Variants in XYLT1 observed in about 807,000 individuals in gnomAD.
The protein encoded by XYLT1 is beta-D-xylosyltransferase 1.
Under a neutral mutation model 91.3 loss-of-function variants are expected in XYLT1, and 36 were observed. That is an observed-to-expected ratio of 0.39 (90% CI 0.30 to 0.52). The LOEUF is 0.52. Ranked by LOEUF, XYLT1 falls within the 20% of genes least tolerant of loss-of-function variation. The pLI is 0.68. For missense variants in XYLT1, 1,242 were observed against 1,284.5 expected (o/e 0.97, Z 0.51); for synonymous variants, 588 against 532.0 (o/e 1.11, Z -1.45).
chr16:17,393,860 C>T (rs1195516862), intron 1 of XYLT1, among the ~76,000 whole-genome samples: 2 of 152,118 alleles, frequency 1.3e-5, no homozygotes, highest in East Asian at 1.9e-4. Context: ...ACTGCAAGCT[C>T]CGCCTCCTGG....
intron 3 of XYLT1, among the ~76,000 whole-genome samples, chr16:17,234,487 A>G (rs1325811639): frequency 6.6e-6 from 1 of 152,188 alleles, no homozygotes; most frequent in Non-Finnish European, 1.5e-5. Context: ...TAATAAATAA[A>G]TAATGGGTAA....
At chr16:17,335,597 G>A (rs1195057554) in intron 2 of XYLT1, among the ~76,000 whole-genome samples, 1 of 151,816 alleles carries the variant, frequency 6.6e-6, no homozygotes, top group African/African-American at 2.4e-5. Flanking sequence ...AGGAGGGTGA[G>A]GCAGGAGAAT....
At chr16:17,170,796 T>C (rs2031803650) in intron 5 of XYLT1, among the ~76,000 whole-genome samples, 1 of 152,184 alleles carries the variant, frequency 6.6e-6, no homozygotes, top group African/African-American at 2.4e-5. Context: ...CACATAGGTC[T>C]TCCTAACGCA....
chr16:17,464,759 TA>T (rs2036867386), intron 1 of XYLT1, among the ~76,000 whole-genome samples: 1 of 152,100 alleles, frequency 6.6e-6, no homozygotes, highest in South Asian at 2.1e-4. Context: ...CATCATGAGT[TA>T]GGGGTCTGAT....
chr16:17,212,998 G>A (rs1490221101), intron 3 of XYLT1, among the ~76,000 whole-genome samples: 1 of 152,212 alleles, frequency 6.6e-6, no homozygotes, highest in Non-Finnish European at 1.5e-5. Context: ...CCTGGGCTGA[G>A]CATTTTCTAA....
At chr16:17,425,742 T>TCCTGCCTCCGTGCCTTGCCCAGGCTGTTC in intron 1 of XYLT1, among the ~76,000 whole-genome samples, 1 of 152,192 alleles carries the variant, frequency 6.6e-6, no homozygotes, top group Non-Finnish European at 1.5e-5. Flanking sequence ...CCAGGCTGGT[T>TCCTGCCTCCGTGCCTTGCCCAGGCTGTTC]CCTGCCTCCG....
intron 1 of XYLT1, among the ~76,000 whole-genome samples, chr16:17,460,333 G>A (rs1049244704): frequency 1.3e-5 from 2 of 152,166 alleles, no homozygotes; most frequent in African/African-American, 2.4e-5. Context: ...ATCAAATTGC[G>A]GAATGCATGA....
intron 3 of XYLT1, among the ~76,000 whole-genome samples, chr16:17,223,844 G>T: frequency 6.6e-6 from 1 of 152,246 alleles, no homozygotes; most frequent in East Asian, 1.9e-4. Flanking sequence ...TCTGGTTGAA[G>T]AGAAGCTCTA....
At chr16:17,396,809 T>C (rs2141897143) in intron 1 of XYLT1, among the ~76,000 whole-genome samples, 1 of 152,208 alleles carries the variant, frequency 6.6e-6, no homozygotes, top group Non-Finnish European at 1.5e-5. Context: ...AGGTGCAGGT[T>C]GCAGTGAGCC....
chr16:17,255,800 G>C (rs1357515553), intron 3 of XYLT1, among the ~76,000 whole-genome samples: 3 of 152,118 alleles, frequency 2.0e-5, no homozygotes, highest in Admixed American at 2.0e-4. Context: ...TTGAGGTCAG[G>C]AGTTTGAGAC....
chr16:17,138,542 G>A lies in XYLT1; in HGVS notation c.1588-11C>T. The A allele has an allele frequency of 2.5e-6, 4 of 1,611,618 alleles. No homozygotes were observed. Among genetic ancestry groups the A allele is most frequent in the Non-Finnish European group, 2.5e-6 (3 of 1,177,978 alleles). On this transcript the variant is annotated splice_polypyrimidine_tract_variant and intron_variant, in intron 7 of 11. Transcript: ENST00000261381. ...CGTATGGAAGAAGGACTGCAGGGGA[G>A]AGAGGGACCCAGCCTGAGACCTCTC...
rs551024072 is a variant in XYLT1 at position 17,150,018 on chromosome 16, C to T, written c.1371-8649G>A. Among the ~76,000 whole-genome samples, 4 of 152,208 alleles carry T rather than the reference C, an allele frequency of 2.6e-5. No homozygotes were observed. The South Asian group carries it at 8.3e-4, about 32-fold the overall frequency. ...TTTGGTAGACAGGTACATAGGACAC[C>T]TCCACAGCTAAGAAGAAATCCTTTA... On this transcript the variant is annotated intron_variant, in intron 6 of 11. Coordinates refer to ENST00000261381, the MANE Select transcript of XYLT1 (RefSeq NM_022166.4).
chr16:17,437,598 C>CT (rs1417694432), intron 1 of XYLT1, among the ~76,000 whole-genome samples: 2 of 152,146 alleles, frequency 1.3e-5, no homozygotes, highest in Non-Finnish European at 2.9e-5. Context: ...CCCTGCACAG[C>CT]TATCACCTGG....
chr16:17,206,138 G>A (rs954702428), intron 3 of XYLT1, among the ~76,000 whole-genome samples: 4 of 152,170 alleles, frequency 2.6e-5, no homozygotes, highest in African/African-American at 9.7e-5. Context: ...AAAGTGGGAA[G>A]AGAGGTCCAT....
chr16:17,398,853 T>TGTTTC (rs1468693937), intron 1 of XYLT1, among the ~76,000 whole-genome samples: 4 of 133,892 alleles, frequency 3.0e-5, no homozygotes, highest in Admixed American at 8.1e-5. Context: ...TGTTTTGTTT[T>TGTTTC]GTTTTGTTTT....
chr16:17,246,975 G>A (rs950370563), intron 3 of XYLT1, among the ~76,000 whole-genome samples: 1 of 152,232 alleles, frequency 6.6e-6, no homozygotes, highest in Non-Finnish European at 1.5e-5. Flanking sequence ...GAGAGGTGCA[G>A]TGTGGGGAGA....
intron 2 of XYLT1, among the ~76,000 whole-genome samples, chr16:17,288,994 G>C (rs1284695036): frequency 6.6e-6 from 1 of 152,204 alleles, no homozygotes; most frequent in Non-Finnish European, 1.5e-5. Context: ...AAAGTCACTT[G>C]TCTAAGGCAA....
At chr16:17,161,661 T>C (rs1446354737) in intron 5 of XYLT1, among the ~76,000 whole-genome samples, 4 of 132,350 alleles carry the variant, frequency 3.0e-5, no homozygotes, top group Non-Finnish European at 4.8e-5. Flanking sequence ...TTTTACCCCG[T>C]TCCAGTTTCT....
intron 2 of XYLT1, among the ~76,000 whole-genome samples, chr16:17,345,937 A>G (rs1035873527): frequency 6.6e-6 from 1 of 151,922 alleles, no homozygotes; most frequent in African/African-American, 2.4e-5. Context: ...CAGCCTCCCG[A>G]GTAGCTGGGA....
Sources: allele counts gnomAD v4.1 joint callset (sites outside exome capture counted in the v4.1 genomes callset), GRCh38; gene constraint gnomAD v4.1.1; transcripts MANE v1.5; gene names NCBI Gene and HGNC (gene_info 2026-07-23, HGNC 2026-07-21).